The following PDE3A variants were observed in gnomAD, a reference collection of about 807,000 sequenced individuals.
PDE3A encodes the protein phosphodiesterase 3A.
A neutral mutation model predicts 98.3 loss-of-function variants in PDE3A; 43 were observed. The observed-to-expected ratio is 0.44, with a 90% CI of 0.34 to 0.56. PDE3A has a LOEUF of 0.56. Among genes scored for constraint, PDE3A ranks in the 20% least tolerant of loss-of-function variants. The pLI, the probability that PDE3A is intolerant of heterozygous loss-of-function variation, is 0.01. For synonymous variants in PDE3A, 663 were observed against 567.9 expected (o/e 1.17, Z -2.38); for missense variants, 1,427 against 1,440.7 (o/e 0.99, Z 0.15).
chr12:20,639,156 A>G (rs1299385192), intron 9 of PDE3A, among the ~76,000 whole-genome samples: 2 of 152,148 alleles, frequency 1.3e-5, no homozygotes, highest in African/African-American at 4.8e-5. Flanking sequence ...ACAGGTACCA[A>G]CCACTCCCTT....
At chr12:20,473,513 G>A (rs1047617789) in intron 1 of PDE3A, among the ~76,000 whole-genome samples, 5 of 152,050 alleles carry the variant, frequency 3.3e-5, no homozygotes, top group African/African-American at 7.2e-5. Context: ...GCATTTTCCC[G>A]TTACTGCTTT....
intron 2 of PDE3A, among the ~76,000 whole-genome samples, chr12:20,566,615 G>C (rs1367077824): frequency 4.6e-5 from 7 of 151,892 alleles, no homozygotes; most frequent in African/African-American, 1.7e-4. Context: ...ATCATGATCA[G>C]TCAGGAAGAT....
chr12:20,619,783 G>A (rs1248076569), intron 4 of PDE3A, among the ~76,000 whole-genome samples: 1 of 152,032 alleles, frequency 6.6e-6, no homozygotes, highest in African/African-American at 2.4e-5. Flanking sequence ...ATGGAAAACT[G>A]CTATTAGAAG....
At chr12:20,487,484 T>G (rs1244903880) in intron 1 of PDE3A, among the ~76,000 whole-genome samples, 1 of 109,958 alleles carries the variant, frequency 9.1e-6, no homozygotes, top group African/African-American at 3.4e-5. Flanking sequence ...GTCAACATGG[T>G]GAAACCCTGT....
At chr12:20,648,928 T>C (rs1565462545) in intron 13 of PDE3A, 37 bp downstream of exon 13, 42 of 450,520 alleles carry the variant, frequency 9.3e-5, no homozygotes, top group East Asian at 1.2e-4. Flanking sequence ...TTTCTTTTTC[T>C]TTTTTTTTTT....
intron 2 of PDE3A, among the ~76,000 whole-genome samples, chr12:20,563,013 T>A (rs1942566655): frequency 6.6e-6 from 1 of 152,172 alleles, no homozygotes; most frequent in African/African-American, 2.4e-5. Flanking sequence ...TTTAGTGGTT[T>A]AACAAGTCCT....
At chr12:20,433,253 G>T (rs1565547563) in intron 1 of PDE3A, among the ~76,000 whole-genome samples, 1 of 152,138 alleles carries the variant, frequency 6.6e-6, no homozygotes, top group Non-Finnish European at 1.5e-5. Flanking sequence ...TGGGAGAGGA[G>T]TAAAACACCC....
At chr12:20,422,320 G>A (rs1374735960) in intron 1 of PDE3A, among the ~76,000 whole-genome samples, 2 of 151,834 alleles carry the variant, frequency 1.3e-5, no homozygotes, top group African/African-American at 4.8e-5. Flanking sequence ...CTCCAGCCTG[G>A]GCAACAGAGC....
At chr12:20,613,379 T>G (rs1943916207) in intron 2 of PDE3A, 64 bp from the exon 3 acceptor site, 1 of 1,511,552 alleles carries the variant, frequency 6.6e-7, no homozygotes, top group Admixed American at 1.7e-5. Context: ...AAGTCCAAAT[T>G]AATGCTTTGT....
chr12:20,544,143 C>T (rs1476672433), intron 1 of PDE3A, among the ~76,000 whole-genome samples: 2 of 149,796 alleles, frequency 1.3e-5, no homozygotes, highest in African/African-American at 4.9e-5. Flanking sequence ...TTACATAGAG[C>T]ATAAGATATA....
chr12:20,609,109 A>G (rs1006360258), intron 2 of PDE3A, among the ~76,000 whole-genome samples: 3 of 152,056 alleles, frequency 2.0e-5, no homozygotes, highest in Admixed American at 2.0e-4. Flanking sequence ...AAACATTAAA[A>G]AATTGAATAA....
intron 1 of PDE3A, among the ~76,000 whole-genome samples, chr12:20,554,373 TA>T (rs71039955): frequency 1.3e-4 from 20 of 149,418 alleles, no homozygotes; most frequent in African/African-American, 3.4e-4. Context: ...AAAAAAAAAA[TA>T]AAAAAAATAA....
At chr12:20,375,146 G>A (rs1227475244) in intron 1 of PDE3A, among the ~76,000 whole-genome samples, 2 of 151,826 alleles carry the variant, frequency 1.3e-5, no homozygotes, top group African/African-American at 2.4e-5. Context: ...CTTATATTCT[G>A]CATTCATGTG....
chr12:20,405,620 G>A (rs139742167), intron 1 of PDE3A, among the ~76,000 whole-genome samples: 1,569 of 152,024 alleles, frequency 0.01, 9 homozygotes, highest in Middle Eastern at 0.02. Context: ...AAATAAAATC[G>A]TATATATTCA....
At chr12:20,455,612 A>G (rs184485212) in intron 1 of PDE3A, among the ~76,000 whole-genome samples, 2 of 152,266 alleles carry the variant, frequency 1.3e-5, no homozygotes, top group East Asian at 1.9e-4. Context: ...GGAATTCAGT[A>G]TTTACTAGGA....
intron 1 of PDE3A, among the ~76,000 whole-genome samples, chr12:20,548,493 A>G (rs574746228): frequency 2.6e-5 from 4 of 152,082 alleles, no homozygotes; most frequent in Non-Finnish European, 5.9e-5. Flanking sequence ...CAACTAGAAT[A>G]TATTTAAACT....
rs1565532721 is a variant in PDE3A, at chr12:20,386,191, AT to A, written c.960+15948del. ...TATATAAAAATATATATAAATATAT[AT>A]AAATATATAAAAATATATATAAATA... On this transcript the variant is annotated intron_variant, in intron 1 of 15. Transcript: ENST00000359062. 1.1e-3 allele frequency among the ~76,000 whole-genome samples: 99 copies of A among 92,808 alleles called. 5 individuals are homozygous for A. Among genetic ancestry groups the A allele is most frequent in the Middle Eastern group, 4.5e-3 (1 of 220 alleles). The allele number at this position is 92,808 out of a possible 152,430, so 60.9% of individuals were successfully genotyped here.
chr12:20,616,128 G>C (rs1001986923), intron 3 of PDE3A, 102 bp from the exon 4 acceptor site: 2 of 1,034,930 alleles, frequency 1.9e-6, no homozygotes, highest in African/African-American at 3.2e-5. Context: ...ATGTAATTTA[G>C]TCAATTCACT....
At chr12:20,584,203 T>G (rs147005444) in intron 2 of PDE3A, among the ~76,000 whole-genome samples, 126 of 152,300 alleles carry the variant, frequency 8.3e-4, no homozygotes, top group Middle Eastern at 6.8e-3. Context: ...ACCTAGAAAA[T>G]TAAAGTCTGA....
Sources: gnomAD v4.1 joint callset for allele counts (sites outside exome capture counted in the v4.1 genomes callset) on GRCh38, gnomAD v4.1.1 for gene constraint, MANE v1.5 for transcripts, NCBI Gene and HGNC (gene_info 2026-07-23, HGNC 2026-07-21) for gene names.